Variants in TAAR2 observed in about 807,000 individuals in gnomAD.
The protein encoded by TAAR2 is trace amine-associated receptor 2.
Under a neutral mutation model 25.5 loss-of-function variants are expected in TAAR2, and 30 were observed. The ratio of observed to expected loss-of-function variants is 1.18; its 90% CI spans 0.88 to 1.60. The LOEUF (loss-of-function observed/expected upper bound fraction) is 1.60. Ranked by LOEUF, TAAR2 falls within the 40% of genes most tolerant of loss-of-function variation. The pLI, the probability that TAAR2 is intolerant of heterozygous loss-of-function variation, is 0.00. For synonymous variants in TAAR2, 150 were observed against 142.4 expected, an observed-to-expected ratio of 1.05 and a Z score of -0.38; for missense variants, 481 against 416.5, an observed-to-expected ratio of 1.15 and a Z score of -1.35.
chr6:132,619,249 A>G (rs1041012330), intron 1 of TAAR2, among the ~76,000 whole-genome samples: 1 of 152,234 alleles, frequency 6.6e-6, no homozygotes, highest in African/African-American at 2.4e-5. Flanking sequence ...AAGAAAATTA[A>G]GCCCATGCCC....
chr6:132,623,054 C>G (rs1186553680), intron 1 of TAAR2, among the ~76,000 whole-genome samples: 2 of 152,140 alleles, frequency 1.3e-5, no homozygotes, highest in Non-Finnish European at 2.9e-5. Flanking sequence ...TTCCTTTTTT[C>G]CTTCCTTCTT....
chr6:132,617,656 A>C lies in TAAR2; in HGVS notation c.550T>G (p.Tyr184Asp), dbSNP rs1777315286. 6.2e-7 allele frequency: 1 copy of C among 1,613,980 alleles called. No individual in the cohort carries two copies. The highest frequency in any genetic ancestry group is 8.5e-7 in the Non-Finnish European group (1 of 1,179,986). The change falls in exon 2 of 2, where the codon TAT becomes GAT. Residue 184 changes from tyrosine to aspartate, a missense_variant. Transcript: ENST00000367931. ...TCATAGCCCTCTATTCCATCTGCATAGGCCTCTGAGAAGACCACCCCGAAG... is the reference window on the plus strand; with the variant it reads ...TCATAGCCCTCTATTCCATCTGCATCGGCCTCTGAGAAGACCACCCCGAAG... ...FAFGVVFSEA[Y>D]ADGIEGYDIL...
chr6:132,623,706 G>T (rs1226604748), intron 1 of TAAR2, among the ~76,000 whole-genome samples: 1 of 140,540 alleles, frequency 7.1e-6, no homozygotes, highest in Non-Finnish European at 1.5e-5. Flanking sequence ...ATCTGAAAGT[G>T]AAAAAAAAAA....
chr6:132,617,895 G>C lies in TAAR2; in HGVS notation c.311C>G (p.Ser104Trp), dbSNP rs550125345. 3 of 1,614,010 alleles carry C rather than the reference G, an allele frequency of 1.9e-6. No homozygotes were observed. Among genetic ancestry groups the C allele is most frequent in the South Asian group, 2.2e-5 (2 of 91,080 alleles). The change falls in exon 2 of 2, where the codon TCG becomes TGG. Residue 104 changes from serine (S) to tryptophan (W), a missense_variant. Transcript: ENST00000367931. ...CCCAAAATACCAGCAGTTCTCCACC[G>C]ATCTGATCATACTATATGGCATGAT... ...FTIMPYSMIR[S>W]VENCWYFGLT...
At position 132,617,265 on chromosome 6, in the gene TAAR2, A is replaced by G; in HGVS notation, c.941T>C (p.Ile314Thr). Reference sequence around the variant, plus strand: ...AAACCAGGGATAGAAGAAACCATATATTAACGGATTACATGTGGAGTTAAA... The same window carrying G: ...AAACCAGGGATAGAAGAAACCATATGTTAACGGATTACATGTGGAGTTAAA... ...GYFNSTCNPLIYGFFYPWFRR... is the reference protein window; with the variant it reads ...GYFNSTCNPLTYGFFYPWFRR... Residue 314 changes from isoleucine to threonine, a missense_variant, in exon 2 of 2, where the codon ATA becomes ACA. By Grantham distance (89) the Ile-to-Thr change is moderately conservative (BLOSUM62 -1). Coordinates refer to ENST00000367931, the MANE Select transcript of TAAR2 (RefSeq NM_001033080.1). 1.2e-6 allele frequency: 2 copies of G among 1,613,828 alleles called. No homozygotes were observed. Among genetic ancestry groups the G allele is most frequent in the Middle Eastern group, 3.3e-4 (2 of 6,060 alleles).
Position 132,622,727 on chromosome 6 carries a change from G to A in TAAR2, c.60+1489C>T, listed in dbSNP as rs139945886. 1.5e-4 allele frequency among the ~76,000 whole-genome samples: 23 copies of A among 151,672 alleles called. No homozygotes were observed. The East Asian group carries it at 3.5e-3, about 23-fold the overall frequency. ...TCTCCATTTCCTGACCTCATCATTCGCCCACCTTGGCCTCCCAAAGTTCTG... is the reference window on the plus strand; with the variant it reads ...TCTCCATTTCCTGACCTCATCATTCACCCACCTTGGCCTCCCAAAGTTCTG... On this transcript the variant is annotated intron_variant, in intron 1 of 1. Coordinates refer to ENST00000367931, the MANE Select transcript of TAAR2 (RefSeq NM_001033080.1).
rs765451702 is a variant in TAAR2 at position 132,617,857 on chromosome 6, T to C, written c.349A>G (p.Lys117Glu). Residue 117 changes from lysine to glutamate, a missense_variant, in exon 2 of 2, where the codon AAG becomes GAG. By Grantham distance (56) the Lys-to-Glu change is moderately conservative. Coordinates refer to ENST00000367931, the MANE Select transcript of TAAR2 (RefSeq NM_001033080.1). ...ATCAGGTCAAAACTATAATAAATCTTGCAAAATGTAAGCCCAAAATACCAG... is the reference window on the plus strand; with the variant it reads ...ATCAGGTCAAAACTATAATAAATCTCGCAAAATGTAAGCCCAAAATACCAG... Reference protein sequence around the residue: ...NCWYFGLTFCKIYYSFDLMLS... With the variant: ...NCWYFGLTFCEIYYSFDLMLS... 6.2e-6 allele frequency: 10 copies of C among 1,614,080 alleles called. No individual in the cohort carries two copies. In the Admixed American group the frequency reaches 1.5e-4, roughly 24 times the overall value.
At chr6:132,622,332 T>A (rs890162852) in intron 1 of TAAR2, among the ~76,000 whole-genome samples, 2 of 151,272 alleles carry the variant, frequency 1.3e-5, no homozygotes, top group African/African-American at 4.8e-5. Context: ...TATTTATTAT[T>A]ATTATTTTTT....
intron 1 of TAAR2, among the ~76,000 whole-genome samples, chr6:132,621,879 C>T (rs542533958): frequency 6.6e-6 from 1 of 152,054 alleles, no homozygotes; most frequent in South Asian, 2.1e-4. Flanking sequence ...TATCACATCC[C>T]CCATAATTTA....
Position 132,617,619 on chromosome 6 carries a change from G to T in TAAR2, c.587C>A (p.Ala196Asp). Residue 196 changes from alanine to aspartate, a missense_variant, in exon 2 of 2, where the codon GCT (alanine) becomes GAT (aspartate). By Grantham distance (126) the Ala-to-Asp change is moderately radical. Coordinates refer to ENST00000367931, the MANE Select transcript of TAAR2 (RefSeq NM_001033080.1). ...DGIEGYDILV[A>D]CSSSCPVMFN... ...CATCACTGGGCAGGAACTGGAACAA[G>T]CAACCAAGATGTCATAGCCCTCTAT... 6.2e-7 allele frequency: 1 copy of T among 1,613,982 alleles called. No homozygotes were observed.
chr6:132,618,209 T>C, intron 1 of TAAR2, 64 bp from the exon 2 acceptor site: 2 of 1,425,964 alleles, frequency 1.4e-6, no homozygotes, highest in Non-Finnish European at 1.9e-6. Flanking sequence ...TTATATATGC[T>C]TTCATAGAAA....
chr6:132,619,968 GAAT>G (rs1401819301), intron 1 of TAAR2, among the ~76,000 whole-genome samples: 1 of 152,204 alleles, frequency 6.6e-6, no homozygotes, highest in African/African-American at 2.4e-5. Flanking sequence ...ACCGCAGAGA[GAAT>G]ACAAGGTGGA....
Position 132,617,969 on chromosome 6 carries a change from G to T in TAAR2, c.237C>A (p.Asn79Lys). The T allele has an allele frequency of 6.2e-7, 1 of 1,614,048 alleles. No individual in the cohort carries two copies. Among genetic ancestry groups the T allele is most frequent in the Non-Finnish European group, 8.5e-7 (1 of 1,179,964 alleles). Residue 79 changes from asparagine (N) to lysine (K), a missense_variant, in exon 2 of 2, where the codon AAC (asparagine) becomes AAA (lysine). Asn to Lys is a moderately conservative substitution (Grantham distance 94, BLOSUM62 0). Coordinates refer to ENST00000367931, the MANE Select transcript of TAAR2 (RefSeq NM_001033080.1). ...SYFKQLHTPT[N>K]FLILSMAITD... The stretch of plus-strand genomic sequence containing the variant: ...TGATGGCCATGGAGAGGATGAGGAA[G>T]TTGGTTGGTGTGTGAAGCTGCTTGA...
At chr6:132,621,531 A>T (rs1291023176) in intron 1 of TAAR2, among the ~76,000 whole-genome samples, 1 of 152,008 alleles carries the variant, frequency 6.6e-6, no homozygotes, top group South Asian at 2.1e-4. Flanking sequence ...TTTCTGTTCC[A>T]ACAACAGTAT....
Position 132,617,155 on chromosome 6 carries a change from C to A in TAAR2, c.1051G>T (p.Glu351Ter), listed in dbSNP as rs1418968934. 3 of 1,575,372 alleles carry A rather than the reference C, an allele frequency of 1.9e-6. No homozygotes were observed. The highest frequency in any genetic ancestry group is 2.4e-5 in the South Asian group (2 of 83,460). ...TTTATTCATGCAGAAAAAGCCTACT[C>A]ACTTTCTTTTTGCATACACAAAATA... The part of the protein sequence containing the change: ...NTILCMQKES[E>*] The change falls in exon 2 of 2, where the codon GAG (glutamate) becomes TAG (stop). Residue 351 changes from glutamate (E) to a stop codon, truncating the protein, a stop_gained. Transcript: ENST00000367931. LOFTEE classifies it high-confidence loss of function.
intron 1 of TAAR2, among the ~76,000 whole-genome samples, chr6:132,618,796 A>G (rs1777336354): frequency 6.6e-6 from 1 of 152,226 alleles, no homozygotes. Context: ...TATCTATTAG[A>G]CAATACATGT....
At chr6:132,624,171 T>C in intron 1 of TAAR2, 45 bp downstream of exon 1, 2 of 1,578,848 alleles carry the variant, frequency 1.3e-6, no homozygotes, top group African/African-American at 2.7e-5. Context: ...CAAAATCTTC[T>C]CAGATGCTAC....
intron 1 of TAAR2, among the ~76,000 whole-genome samples, chr6:132,619,382 G>A (rs1314136008): frequency 6.6e-6 from 1 of 152,086 alleles, no homozygotes; most frequent in Non-Finnish European, 1.5e-5. Flanking sequence ...AAGTACATTA[G>A]GTAAAAAAGA....
chr6:132,617,910 T>C lies in TAAR2; in HGVS notation c.296A>G (p.Tyr99Cys), dbSNP rs1777320961. 6.2e-7 allele frequency: 1 copy of C among 1,614,046 alleles called. No individual in the cohort carries two copies. Among genetic ancestry groups the C allele is most frequent in the African/African-American group, 1.3e-5 (1 of 75,044 alleles). ...DFLLGFTIMP[Y>C]SMIRSVENCW... ...GTTCTCCACCGATCTGATCATACTATATGGCATGATGGTGAATCCCAGGAG... is the reference window on the plus strand; with the variant it reads ...GTTCTCCACCGATCTGATCATACTACATGGCATGATGGTGAATCCCAGGAG... The change falls in exon 2 of 2, where the codon TAT (tyrosine) becomes TGT (cysteine). Residue 99 changes from tyrosine (Y) to cysteine (C), a missense_variant. Transcript: ENST00000367931.
Sources: allele counts gnomAD v4.1 joint callset (sites outside exome capture counted in the v4.1 genomes callset), GRCh38; gene constraint gnomAD v4.1.1; transcripts MANE v1.5; gene names NCBI Gene and HGNC (gene_info 2026-07-23, HGNC 2026-07-21).